PRKACA: variants seen among roughly 807,000 people sequenced by gnomAD.
PRKACA encodes the protein protein kinase cAMP-activated catalytic subunit alpha, also known as cAMP-dependent protein kinase catalytic subunit alpha.
In PRKACA, 9 loss-of-function variants were observed where a neutral mutation model predicts 45.8. That is an observed-to-expected ratio of 0.20 (90% CI 0.12 to 0.34). The LOEUF is 0.34. PRKACA is among the 10% of genes least tolerant of loss of function. The probability of loss-of-function intolerance (pLI) is 1.00; values close to 1 mark genes in which losing one functional copy is unlikely to be tolerated. For synonymous variants in PRKACA, 160 were observed against 178.6 expected (o/e 0.90, Z 0.83); for missense variants, 238 against 458.6 (o/e 0.52, Z 4.39).
intron 5 of PRKACA, among the ~76,000 whole-genome samples, chr19:14,100,320 C>T (rs889812649): frequency 3.3e-5 from 5 of 151,352 alleles, no homozygotes; most frequent in Non-Finnish European, 7.4e-5. Context: ...TTTTTTGAGA[C>T]GGCATGTCAC....
At chr19:14,117,032 G>T (rs1967122000) in intron 1 of PRKACA, among the ~76,000 whole-genome samples, 1 of 152,018 alleles carries the variant, frequency 6.6e-6, no homozygotes, top group South Asian at 2.1e-4. Context: ...GGGGGGAGGG[G>T]TGTGGTCAGC....
At chr19:14,100,576 G>A (rs1478740807) in intron 5 of PRKACA, among the ~76,000 whole-genome samples, 2 of 152,204 alleles carry the variant, frequency 1.3e-5, no homozygotes, top group East Asian at 3.8e-4. Context: ...GGGATTACTG[G>A]TGAGAACCAC....
Position 14,117,548 on chromosome 19 carries a change from C to A in PRKACA, c.-1G>T. ...TCTTGGCGGCGGCGGCGTTGCCCATCGCGGCGGCGGCGGCCGGGGCCGGTC... is the reference window on the plus strand; with the variant it reads ...TCTTGGCGGCGGCGGCGTTGCCCATAGCGGCGGCGGCGGCCGGGGCCGGTC... On this transcript the variant is annotated 5_prime_UTR_variant, in exon 1 of 10. Coordinates refer to ENST00000308677, the MANE Select transcript of PRKACA (RefSeq NM_002730.4). 1 of 1,206,454 alleles carries A rather than the reference C, an allele frequency of 8.3e-7. No homozygotes were observed. Among genetic ancestry groups the A allele is most frequent in the Non-Finnish European group, 1.0e-6 (1 of 970,192 alleles). The allele number at this position is 1,206,454 out of a possible 1,614,324, so 74.7% of individuals were successfully genotyped here.
intron 1 of PRKACA, among the ~76,000 whole-genome samples, chr19:14,109,795 G>A (rs1339432892): frequency 2.0e-5 from 3 of 149,054 alleles, no homozygotes; most frequent in Non-Finnish European, 3.0e-5. Context: ...AAAATTAGCT[G>A]GGCACGGTGG....
chr19:14,100,966 G>A (rs2144452758), intron 4 of PRKACA, 58 bp from the exon 5 acceptor site: 1 of 1,434,962 alleles, frequency 7.0e-7, no homozygotes, highest in Non-Finnish European at 9.8e-7. Flanking sequence ...CCGATCTGAA[G>A]GCCTTGGGGG....
intron 1 of PRKACA, among the ~76,000 whole-genome samples, chr19:14,113,520 T>C (rs1174464445): frequency 1.3e-5 from 2 of 152,120 alleles, no homozygotes; most frequent in African/African-American, 4.8e-5. Context: ...AAACTCGCCC[T>C]GGGAATGGGG....
rs41296296 is a variant in PRKACA at position 14,097,079 on chromosome 19, G to T, written c.765+282C>A. ...ACTGGGATGAGGAGCGAAAAGGAGG[G>T]TCGTCTGGCAGGGCGGTTTGTGTTC... On this transcript the variant is annotated intron_variant, in intron 8 of 9. Transcript: ENST00000308677. The surrounding 1 kb of genome is among the most constrained non-coding windows in gnomAD (Gnocchi z 5.4). The T allele has an allele frequency of 1.6e-3, 716 of 455,586 alleles. 5 individuals are homozygous for T. The highest frequency in any genetic ancestry group is 0.013 in the African/African-American group (673 of 50,376). 28.2% of individuals were successfully genotyped at this position (455,586 alleles called of 1,614,324 possible).
chr19:14,095,642 C>T (rs1167629936), intron 8 of PRKACA, among the ~76,000 whole-genome samples: 3 of 151,350 alleles, frequency 2.0e-5, no homozygotes, highest in South Asian at 2.1e-4. Flanking sequence ...CTCAGCCTCC[C>T]GAGTAGCTGG....
At position 14,091,930 on chromosome 19, in the gene PRKACA, G is replaced by A. The variant is rs1299684425; in HGVS notation, c.*1182C>T. On this transcript the variant is annotated 3_prime_UTR_variant, in exon 10 of 10. Coordinates refer to ENST00000308677, the MANE Select transcript of PRKACA (RefSeq NM_002730.4). The stretch of plus-strand genomic sequence containing the variant: ...CACTTTTCTATTACGAGAGAAAAAA[G>A]CACAAATGAGAAAGTGGGGGAGAGG... The A allele has an allele frequency of 2.0e-5, 3 of 152,228 alleles. No homozygotes were observed. The highest frequency in any genetic ancestry group is 2.1e-4 in the South Asian group (1 of 4,826). The allele number at this position is 152,228 out of a possible 1,614,324, so 9.4% of individuals were successfully genotyped here.
At chr19:14,106,392 G>A (rs929153023) in intron 3 of PRKACA, among the ~76,000 whole-genome samples, 4 of 152,084 alleles carry the variant, frequency 2.6e-5, no homozygotes, top group African/African-American at 9.7e-5. Context: ...GGTGGCTCAC[G>A]CCTGTAATCC....
Position 14,092,745 on chromosome 19 carries a change from G to A in PRKACA, c.*367C>T. ...GGGTGGGGGCTGGAGTTAAGCGTGA[G>A]CCCCTCTTTCCATACCCTGTCCCTG... On this transcript the variant is annotated 3_prime_UTR_variant, in exon 10 of 10. Coordinates refer to ENST00000308677, the MANE Select transcript of PRKACA (RefSeq NM_002730.4). The A allele has an allele frequency of 2.4e-6, 1 of 410,390 alleles. No homozygotes were observed. Among genetic ancestry groups the A allele is most frequent in the Non-Finnish European group, 4.3e-6 (1 of 231,684 alleles). The allele number at this position is 410,390 out of a possible 1,614,324, so 25.4% of individuals were successfully genotyped here. A position where few individuals can be genotyped will look rare whatever the true frequency, so the allele number is the denominator to read the frequency against.
Position 14,097,234 on chromosome 19 carries a change from C to G in PRKACA, c.765+127G>C. The stretch of plus-strand genomic sequence containing the variant: ...AGTGTGGCCGGCGCGTCCAGCTTCA[C>G]CACCTGGCCTGACTTAAGGAACTTC... On this transcript the variant is annotated intron_variant, in intron 8 of 9. Coordinates refer to ENST00000308677, the MANE Select transcript of PRKACA (RefSeq NM_002730.4). This position sits in a 1 kb window ranked among gnomAD's most constrained non-coding sequence, Gnocchi z 5.4. 1 of 1,471,928 alleles carries G rather than the reference C, an allele frequency of 6.8e-7. No homozygotes were observed. Among genetic ancestry groups the G allele is most frequent in the Admixed American group, 1.8e-5 (1 of 55,934 alleles). The allele number at this position is 1,471,928 out of a possible 1,614,324, so 91.2% of individuals were successfully genotyped here.
At chr19:14,115,510 A>G (rs1967088451) in intron 1 of PRKACA, among the ~76,000 whole-genome samples, 1 of 152,082 alleles carries the variant, frequency 6.6e-6, no homozygotes, top group Admixed American at 6.6e-5. Flanking sequence ...TCCTTTGGAA[A>G]ATTTGGATAA....
intron 9 of PRKACA, 50 bp from the exon 10 acceptor site, chr19:14,093,287 T>C (rs1215779509): frequency 1.3e-6 from 2 of 1,586,922 alleles, no homozygotes; most frequent in South Asian, 2.3e-5. Flanking sequence ...ACATAATCAT[T>C]ATTACAACAA....
chr19:14,101,193 T>C (rs1016977912), intron 4 of PRKACA: 5 of 365,086 alleles, frequency 1.4e-5, no homozygotes, highest in Non-Finnish European at 2.6e-5. Flanking sequence ...GGCCACAGTT[T>C]TGTCATCTGT....
chr19:14,093,768 A>G lies in PRKACA; in HGVS notation c.790T>C (p.Ser264Pro), dbSNP rs775116225. ...TTCCGCAGCAGGTCCTTCAAGTCAG[A>G]GCTGAAGTGGGAAGGGAAGCGCACC... Reference protein sequence around the residue: ...GKVRFPSHFSSDLKDLLRNLL... With the variant: ...GKVRFPSHFSPDLKDLLRNLL... The change falls in exon 9 of 10, where the codon TCT (serine) becomes CCT (proline). Residue 264 changes from serine to proline, a missense_variant. Ser to Pro is a moderately conservative substitution (Grantham distance 74, BLOSUM62 -1). Coordinates refer to ENST00000308677, the MANE Select transcript of PRKACA (RefSeq NM_002730.4). 6 of 1,613,638 alleles carry G rather than the reference A, an allele frequency of 3.7e-6. No homozygotes were observed. The highest frequency in any genetic ancestry group is 1.7e-5 in the Admixed American group (1 of 59,910).
chr19:14,112,826 G>A (rs1967007103), intron 1 of PRKACA, among the ~76,000 whole-genome samples: 1 of 152,200 alleles, frequency 6.6e-6, no homozygotes, highest in African/African-American at 2.4e-5. Flanking sequence ...AGCGCCTGAT[G>A]TGCCCAGAGC....
intron 1 of PRKACA, among the ~76,000 whole-genome samples, chr19:14,110,324 T>A (rs1966930179): frequency 6.6e-6 from 1 of 151,452 alleles, no homozygotes; most frequent in African/African-American, 2.4e-5. Flanking sequence ...CTCAAAAAAA[T>A]AATAATACTC....
chr19:14,107,035 A>G, intron 2 of PRKACA, 147 bp from the exon 3 acceptor site: 1 of 1,064,894 alleles, frequency 9.4e-7, no homozygotes, highest in Non-Finnish European at 1.3e-6. Flanking sequence ...CGGAAAATCA[A>G]GATGGCAGAG....
Sources: gnomAD v4.1 joint callset for allele counts (sites outside exome capture counted in the v4.1 genomes callset) on GRCh38, gnomAD v4.1.1 for gene constraint, Gnocchi (gnomAD v3.1) non-coding constraint, MANE v1.5 for transcripts, NCBI Gene and HGNC (gene_info 2026-07-23, HGNC 2026-07-21) for gene names.